The following DISP3 variants were observed in gnomAD, a reference collection of about 807,000 sequenced individuals.
DISP3 encodes protein dispatched homolog 3.
DISP3 carries 101 observed loss-of-function variants against 135.3 expected under a neutral mutation model. That is an observed-to-expected ratio of 0.75 (90% CI 0.64 to 0.88). DISP3 has a LOEUF of 0.88. Ranked by LOEUF, DISP3 falls within the 40% of genes least tolerant of loss-of-function variation. DISP3 has a pLI of 0.00. For synonymous variants in DISP3, 856 were observed against 817.0 expected (o/e 1.05, Z -0.81); for missense variants, 1,713 against 1,878.6 (o/e 0.91, Z 1.63).
chr1:11,513,661 T>G (rs996869938), intron 3 of DISP3, among the ~76,000 whole-genome samples: 1 of 152,188 alleles, frequency 6.6e-6, no homozygotes, highest in Non-Finnish European at 1.5e-5. Flanking sequence ...GGTTTATAGT[T>G]TTCATCAAGT....
Position 11,516,003 on chromosome 1 carries a change from G to A in DISP3, c.1591G>A (p.Val531Met). 1 of 1,613,924 alleles carries A rather than the reference G, an allele frequency of 6.2e-7. No homozygotes were observed. Among genetic ancestry groups the A allele is most frequent in the Non-Finnish European group, 8.5e-7 (1 of 1,179,882 alleles). The change falls in exon 6 of 21, where the codon GTG becomes ATG. Residue 531 changes from valine to methionine, a missense_variant and splice_region_variant. This residue lies in a region of DISP3 where 1,142 missense variants were observed against 1,384.6 expected (regional missense o/e 0.82). Transcript: ENST00000294484. This position sits in a 1 kb window ranked among gnomAD's most constrained non-coding sequence, Gnocchi z 5.1. ...VAAFVIVGIGVDDVFVFINTY... is the reference protein window; with the variant it reads ...VAAFVIVGIGMDDVFVFINTY... ...TGGCTGGGGACTCCCTCCCACAGGT[G>A]TGGACGATGTCTTTGTGTTCATCAA...
At chr1:11,487,651 C>T (rs1176408319) in intron 1 of DISP3, among the ~76,000 whole-genome samples, 1 of 152,230 alleles carries the variant, frequency 6.6e-6, no homozygotes, top group Non-Finnish European at 1.5e-5. Context: ...GCTGCTTCCC[C>T]CGTCCTGGAG....
intron 1 of DISP3, among the ~76,000 whole-genome samples, chr1:11,480,677 GCACACACACACA>G (rs70983561): frequency 1.8e-3 from 251 of 142,736 alleles, no homozygotes; most frequent in Middle Eastern, 3.5e-3. Flanking sequence ...GCGCGCGCGT[GCACACACACACA>G]CACACACACA....
chr1:11,516,305 T>G lies in DISP3; in HGVS notation c.1749+144T>G, dbSNP rs1192711522. The G allele has an allele frequency of 3.0e-6, 3 of 1,006,174 alleles. No individual in the cohort carries two copies. Among genetic ancestry groups the G allele is most frequent in the Non-Finnish European group, 4.2e-6 (3 of 708,958 alleles). 62.3% of individuals were successfully genotyped at this position (1,006,174 alleles called of 1,614,324 possible). A position where few individuals can be genotyped will look rare whatever the true frequency, so the allele number is the denominator to read the frequency against. On this transcript the variant is annotated intron_variant, in intron 6 of 20. Transcript: ENST00000294484. This position sits in a 1 kb window ranked among gnomAD's most constrained non-coding sequence, Gnocchi z 5.1. ...TTGCCCTGGCTCTAGAGTTCATTTT[T>G]GTCACGAATCACCCATTACCCAAAC...
chr1:11,534,445 T>C lies in DISP3; in HGVS notation c.3440T>C (p.Leu1147Pro). The C allele has an allele frequency of 6.2e-7, 1 of 1,614,182 alleles. No individual in the cohort carries two copies. Among genetic ancestry groups the C allele is most frequent in the Non-Finnish European group, 8.5e-7 (1 of 1,180,042 alleles). Residue 1147 changes from leucine (L) to proline (P), a missense_variant, in exon 18 of 21, where the codon CTC becomes CCC. Leu to Pro is a moderately conservative substitution (Grantham distance 98). Around this residue, in one of 2 missense-constraint regions of DISP3, gnomAD observed 1,142 missense variants for 1,384.6 expected, o/e 0.82. Coordinates refer to ENST00000294484, the MANE Select transcript of DISP3 (RefSeq NM_020780.2). ...YSDYLRWESFLQQQLQALPEG... is the reference protein window; with the variant it reads ...YSDYLRWESFPQQQLQALPEG... ...GACTACCTGCGCTGGGAGAGCTTCCTCCAGCAGCAGCTGCAGGCCTTGCCC... is the reference window on the plus strand; with the variant it reads ...GACTACCTGCGCTGGGAGAGCTTCCCCCAGCAGCAGCTGCAGGCCTTGCCC...
At chr1:11,494,957 G>A (rs1312275902) in intron 1 of DISP3, among the ~76,000 whole-genome samples, 2 of 152,182 alleles carry the variant, frequency 1.3e-5, no homozygotes, top group African/African-American at 4.8e-5. Flanking sequence ...AGCCCCATCT[G>A]CTCTGGAGAG....
chr1:11,519,170 C>T lies in DISP3; in HGVS notation c.1890-185C>T, dbSNP rs1448480358. ...CTGGAGGAAGACTGGCACCTGAGGG[C>T]CCTGGGGTAGATGGTACTAGAAAGA... On this transcript the variant is annotated intron_variant, in intron 7 of 20. Coordinates refer to ENST00000294484, the MANE Select transcript of DISP3 (RefSeq NM_020780.2). This position sits in a 1 kb window ranked among gnomAD's most constrained non-coding sequence, Gnocchi z 4.3. Among the ~76,000 whole-genome samples, 1 of 152,108 alleles carries T rather than the reference C, an allele frequency of 6.6e-6. No homozygotes were observed. The highest frequency in any genetic ancestry group is 1.9e-4 in the East Asian group (1 of 5,174).
At position 11,529,010 on chromosome 1, in the gene DISP3, C is replaced by T. The variant is rs1642503568; in HGVS notation, c.2799-546C>T. On this transcript the variant is annotated intron_variant, in intron 13 of 20. Transcript: ENST00000294484. This position sits in a 1 kb window ranked among gnomAD's most constrained non-coding sequence, Gnocchi z 4.7. ...AGGCTGGGCTCACTCTGCACAGACA[C>T]ATCAGTGGGCCAGGGGTCAGGCAGG... Among the ~76,000 whole-genome samples, 1 of 152,198 alleles carries T rather than the reference C, an allele frequency of 6.6e-6. No homozygotes were observed.
At chr1:11,522,889 C>A (rs1642278470) in intron 10 of DISP3, among the ~76,000 whole-genome samples, 4 of 123,896 alleles carry the variant, frequency 3.2e-5, no homozygotes, top group African/African-American at 5.9e-5. Context: ...AGAGCCCAGC[C>A]AGGACCCAGC....
At chr1:11,497,023 C>T (rs1034616463) in intron 1 of DISP3, among the ~76,000 whole-genome samples, 2 of 152,118 alleles carry the variant, frequency 1.3e-5, no homozygotes, top group Admixed American at 6.6e-5. Context: ...AAGGCAGGCA[C>T]GGGGTGGGGA....
chr1:11,515,258 G>A, intron 4 of DISP3, 111 bp from the exon 5 acceptor site: 1 of 1,412,124 alleles, frequency 7.1e-7, no homozygotes, highest in Non-Finnish European at 9.7e-7. Flanking sequence ...GGTGAATGGT[G>A]ACCAGGGTTG....
chr1:11,518,319 C>T (rs1642070331), intron 7 of DISP3, among the ~76,000 whole-genome samples: 1 of 152,148 alleles, frequency 6.6e-6, no homozygotes, highest in Non-Finnish European at 1.5e-5. Flanking sequence ...GAGAAGGGCC[C>T]AGCGAGGAGC....
rs1641531026 is a variant in DISP3 at position 11,501,698 on chromosome 1, A to T, written c.706A>T (p.Ile236Phe). Residue 236 changes from isoleucine to phenylalanine, a missense_variant, in exon 2 of 21, where the codon ATC (isoleucine) becomes TTC (phenylalanine). Physicochemically the swap from Ile to Phe is conservative, Grantham distance 21. Transcript: ENST00000294484. This position sits in a 1 kb window ranked among gnomAD's most constrained non-coding sequence, Gnocchi z 4.9. Reference sequence around the variant, plus strand: ...CAAGAATGGGCGGTACCAGCCCAGCATCCCGCCCCACGCGGCAGTCGCGGC... The same window carrying T: ...CAAGAATGGGCGGTACCAGCCCAGCTTCCCGCCCCACGCGGCAGTCGCGGC... ...LSKNGRYQPS[I>F]PPHAAVAANQ... The T allele has an allele frequency of 6.2e-7, 1 of 1,602,110 alleles. No homozygotes were observed. The highest frequency in any genetic ancestry group is 8.5e-7 in the Non-Finnish European group (1 of 1,174,792).
rs1034002152 is a variant in DISP3 at position 11,491,529 on chromosome 1, C to G, written c.-3-9461C>G. On this transcript the variant is annotated intron_variant, in intron 1 of 20. Coordinates refer to ENST00000294484, the MANE Select transcript of DISP3 (RefSeq NM_020780.2). The surrounding 1 kb of genome is among the most constrained non-coding windows in gnomAD (Gnocchi z 4.3). ...GGGAGGCTGAGCGGGGAGGACCACT[C>G]GAGCCCGGGAGGTCGAGGCTGCAGT... is the stretch of plus-strand genomic sequence containing the variant. 6.6e-6 allele frequency among the ~76,000 whole-genome samples: 1 copy of G among 151,880 alleles called. No individual in the cohort carries two copies. The highest frequency in any genetic ancestry group is 1.5e-5 in the Non-Finnish European group (1 of 67,970).
chr1:11,503,022 G>A, intron 3 of DISP3, 125 bp downstream of exon 3: 1 of 868,490 alleles, frequency 1.2e-6, no homozygotes, highest in Non-Finnish European at 1.7e-6. Context: ...TTCCAAATTG[G>A]GGCAGAACCA....
chr1:11,535,170 AACAG>A (rs764439857), intron 19 of DISP3, 46 bp downstream of exon 19: 25 of 1,526,028 alleles, frequency 1.6e-5, no homozygotes, highest in East Asian at 7.2e-5. Flanking sequence ...TAGGGACGGG[AACAG>A]ACAGTCTCCC....
intron 10 of DISP3, among the ~76,000 whole-genome samples, chr1:11,522,706 ACCCAGCCAGGGCCCAGCCAGG>A (rs1642256627): frequency 8.2e-5 from 2 of 24,246 alleles, no homozygotes; most frequent in East Asian, 1.2e-3. Context: ...CCCAGCCAGG[ACCCAGCCAGGGCCCAGCCAGG>A]GCCCAGCCAG....
Position 11,530,900 on chromosome 1 carries a change from G to C in DISP3, c.3103-7G>C, listed in dbSNP as rs776028965. The C allele has an allele frequency of 1.9e-6, 3 of 1,613,612 alleles. No homozygotes were observed. Among genetic ancestry groups the C allele is most frequent in the Non-Finnish European group, 2.5e-6 (3 of 1,179,786 alleles). Reference sequence around the variant, plus strand: ...GGCCCGGGCCGGCTTGTTTCTCCTTGGGAAAGGGTAGTGTTGTCTACGACA... The same window carrying C: ...GGCCCGGGCCGGCTTGTTTCTCCTTCGGAAAGGGTAGTGTTGTCTACGACA... On this transcript the variant is annotated splice_polypyrimidine_tract_variant and splice_region_variant and intron_variant, in intron 15 of 20. Transcript: ENST00000294484.
rs570404614 is a variant in DISP3 at position 11,495,119 on chromosome 1, G to A, written c.-3-5871G>A. On this transcript the variant is annotated intron_variant, in intron 1 of 20. Coordinates refer to ENST00000294484, the MANE Select transcript of DISP3 (RefSeq NM_020780.2). ...TCAAAAATGGCTCTCCCAACTGGGT[G>A]TGGCGGCTCACACCTGTAATCTCAA... 3.2e-4 allele frequency among the ~76,000 whole-genome samples: 49 copies of A among 152,320 alleles called. 1 individual carries two copies. The highest frequency in any genetic ancestry group is 3.9e-4 in the African/African-American group (16 of 41,554).
Sources: allele counts gnomAD v4.1 joint callset (sites outside exome capture counted in the v4.1 genomes callset), GRCh38; gene constraint gnomAD v4.1.1; regional missense constraint gnomAD v4.1.1; non-coding constraint Gnocchi (gnomAD v3.1); transcripts MANE v1.5; gene names NCBI Gene and HGNC (gene_info 2026-07-23, HGNC 2026-07-21).